Variants in DTHD1 observed in about 807,000 individuals in gnomAD.
The protein encoded by DTHD1 is death domain containing 1.
In DTHD1, 59 loss-of-function variants were observed where a neutral mutation model predicts 74.8. That is an observed-to-expected ratio of 0.79 (90% CI 0.64 to 0.98). DTHD1 has a LOEUF of 0.98. DTHD1 is among the 50% of genes least tolerant of loss of function. The pLI is 0.00. For synonymous variants in DTHD1, 365 were observed against 371.1 expected (o/e 0.98, Z 0.19); for missense variants, 1,051 against 1,065.4 (o/e 0.99, Z 0.19).
At chr4:36,335,400 T>A (rs1758953601) in intron 8 of DTHD1, among the ~76,000 whole-genome samples, 2 of 151,598 alleles carry the variant, frequency 1.3e-5, no homozygotes, top group South Asian at 4.2e-4. Context: ...TTTTTTTGTA[T>A]TTTTTTTGTA....
At position 36,290,662 on chromosome 4, in the gene DTHD1, C is replaced by T. The variant is rs746350889; in HGVS notation, c.1177C>T (p.Leu393=). 1.1e-5 allele frequency: 17 copies of T among 1,544,820 alleles called. No homozygotes were observed. The highest frequency in any genetic ancestry group is 1.5e-5 in the Non-Finnish European group (17 of 1,146,826). ...TGACATAAACCTTCAATCAAGTTAC[C>T]TAAACCCAAATTCACTAGAAGGAAT... ...VCDINLQSSY[L]NPNSLEGMKG... Residue 393 remains leucine, a synonymous_variant, in exon 3 of 10, where the codon CTA becomes TTA. Transcript: ENST00000639862.
chr4:36,282,101 T>C (rs868333708), intron 1 of DTHD1, 72 bp downstream of exon 1: 8 of 1,278,956 alleles, frequency 6.3e-6, no homozygotes, highest in Non-Finnish European at 7.3e-6. Context: ...AGAGGGGCTA[T>C]GAGTATACCA....
chr4:36,340,028 C>T (rs1759230267), intron 9 of DTHD1, among the ~76,000 whole-genome samples: 1 of 152,192 alleles, frequency 6.6e-6, no homozygotes, highest in Admixed American at 6.5e-5. Context: ...ATAATCACTG[C>T]CATCATTAAC....
intron 8 of DTHD1, among the ~76,000 whole-genome samples, chr4:36,336,497 C>A (rs572288814): frequency 2.6e-5 from 4 of 152,310 alleles, no homozygotes; most frequent in African/African-American, 7.2e-5. Context: ...GTGTGGAAAG[C>A]ACGCAGGAGT....
intron 8 of DTHD1, among the ~76,000 whole-genome samples, chr4:36,330,882 A>G (rs148492918): frequency 5.5e-4 from 83 of 152,264 alleles, no homozygotes; most frequent in African/African-American, 1.9e-3. Flanking sequence ...TGATCAATAT[A>G]ATGTCTAGCT....
At chr4:36,313,698 T>C (rs1197059203) in intron 7 of DTHD1, among the ~76,000 whole-genome samples, 3 of 152,186 alleles carry the variant, frequency 2.0e-5, no homozygotes, top group African/African-American at 7.2e-5. Flanking sequence ...TTGGTATACA[T>C]TTTAGGTCTC....
At chr4:36,316,608 AAAG>A (rs1757754064) in intron 8 of DTHD1, 122 bp downstream of exon 8, 2 of 1,030,728 alleles carry the variant, frequency 1.9e-6, no homozygotes, top group South Asian at 3.5e-5. Context: ...TAGAGGTAAT[AAAG>A]AAGGAGTAGG....
intron 8 of DTHD1, among the ~76,000 whole-genome samples, chr4:36,335,785 T>A (rs1758977771): frequency 6.6e-6 from 1 of 152,190 alleles, no homozygotes; most frequent in South Asian, 2.1e-4. Context: ...ACACAAAAGA[T>A]CAAACTTTCA....
chr4:36,312,507 G>A (rs764761089), intron 7 of DTHD1, among the ~76,000 whole-genome samples: 1 of 151,948 alleles, frequency 6.6e-6, no homozygotes, highest in East Asian at 1.9e-4. Flanking sequence ...ATAAAGCAGG[G>A]AAAGGATAGG....
At chr4:36,312,291 G>A (rs1319072669) in intron 7 of DTHD1, among the ~76,000 whole-genome samples, 1 of 151,408 alleles carries the variant, frequency 6.6e-6, no homozygotes, top group Non-Finnish European at 1.5e-5. Context: ...ATGCCCTTTG[G>A]CCCAGGGAAG....
chr4:36,294,538 A>C (rs960271378), intron 4 of DTHD1, among the ~76,000 whole-genome samples: 8 of 152,006 alleles, frequency 5.3e-5, no homozygotes, highest in Non-Finnish European at 1.0e-4. Context: ...GCCTGCAATT[A>C]AGTCTGTTTC....
At chr4:36,285,500 C>G (rs1436654760) in intron 2 of DTHD1, among the ~76,000 whole-genome samples, 1 of 151,944 alleles carries the variant, frequency 6.6e-6, no homozygotes, top group African/African-American at 2.4e-5. Context: ...TCTAGGAGAC[C>G]ATAACTTCAA....
At chr4:36,323,573 T>G (rs1458865426) in intron 8 of DTHD1, among the ~76,000 whole-genome samples, 1 of 150,754 alleles carries the variant, frequency 6.6e-6, no homozygotes, top group African/African-American at 2.4e-5. Context: ...ATGTTATTGC[T>G]AGGTATTTTA....
Position 36,317,395 on chromosome 4 carries a change from T to C in DTHD1, c.2340+909T>C, listed in dbSNP as rs575023626. ...ATGTGGCTGTGGAGCACTTGAAATA[T>C]GGCTAGTCTAAACTGAGATGGGCAG... On this transcript the variant is annotated intron_variant, in intron 8 of 9. Coordinates refer to ENST00000639862, the MANE Select transcript of DTHD1 (RefSeq NM_001170700.3). Among the ~76,000 whole-genome samples the C allele has an allele frequency of 1.3e-4, 20 of 152,322 alleles. No homozygotes were observed. The East Asian group carries it at 3.9e-3, about 29-fold the overall frequency.
Position 36,316,104 on chromosome 4 carries a change from T to G in DTHD1, c.2096-138T>G, listed in dbSNP as rs1184328789. 4 of 739,770 alleles carry G rather than the reference T, an allele frequency of 5.4e-6. No individual in the cohort carries two copies. The Admixed American group carries it at 1.3e-4, about 24-fold the overall frequency. The allele number at this position is 739,770 out of a possible 1,614,324, so 45.8% of individuals were successfully genotyped here. ...GTGCCTGCCACCACGCCCGGTTAAT[T>G]TTTTGTATTTTTAGTAGAGACGGGG... On this transcript the variant is annotated intron_variant, in intron 7 of 9. Transcript: ENST00000639862.
At chr4:36,302,142 C>G (rs1235193627) in intron 5 of DTHD1, among the ~76,000 whole-genome samples, 1 of 152,148 alleles carries the variant, frequency 6.6e-6, no homozygotes, top group Non-Finnish European at 1.5e-5. Flanking sequence ...CTTGTTTTTC[C>G]TCACCTTAAA....
chr4:36,290,329 T>A (rs1160696095), intron 2 of DTHD1, 44 bp from the exon 3 acceptor site: 1 of 1,499,930 alleles, frequency 6.7e-7, no homozygotes, highest in Non-Finnish European at 8.9e-7. Flanking sequence ...GTAAAGTACA[T>A]AAATCAAATA....
chr4:36,332,404 A>T (rs1056137391), intron 8 of DTHD1, among the ~76,000 whole-genome samples: 2 of 152,024 alleles, frequency 1.3e-5, no homozygotes, highest in African/African-American at 4.8e-5. Context: ...TATTGTGAGG[A>T]GCCCCATTAT....
At chr4:36,299,828 A>G (rs1183328684) in intron 5 of DTHD1, among the ~76,000 whole-genome samples, 3 of 152,132 alleles carry the variant, frequency 2.0e-5, no homozygotes, top group African/African-American at 7.2e-5. Flanking sequence ...TTTGTTTTAG[A>G]CAATTTTATT....
Sources: gnomAD v4.1 joint callset for allele counts (sites outside exome capture counted in the v4.1 genomes callset) on GRCh38, gnomAD v4.1.1 for gene constraint, MANE v1.5 for transcripts, NCBI Gene and HGNC (gene_info 2026-07-23, HGNC 2026-07-21) for gene names.